The following MSRB1 variants were observed in gnomAD, a reference collection of about 807,000 sequenced individuals.
MSRB1 encodes the protein methionine-R-sulfoxide reductase B1.
MSRB1 carries 13 observed loss-of-function variants against 15.2 expected under a neutral mutation model. That is an observed-to-expected ratio of 0.86 (90% CI 0.56 to 1.36). The LOEUF is 1.36. Ranked by LOEUF, MSRB1 falls within the 40% of genes most tolerant of loss-of-function variation. MSRB1 has a pLI of 0.00. For synonymous variants in MSRB1, 68 were observed against 64.5 expected (o/e 1.05, Z -0.26); for missense variants, 174 against 155.9 (o/e 1.12, Z -0.62).
At chr16:1,940,708 A>G (rs2083070876) in intron 3 of MSRB1, 70 bp downstream of exon 3, 2 of 1,532,360 alleles carry the variant, frequency 1.3e-6, no homozygotes, top group African/African-American at 2.7e-5. Flanking sequence ...GGACAAGCAC[A>G]AACACTGGGC....
intron 2 of MSRB1, 139 bp from the exon 3 acceptor site, chr16:1,941,031 T>C: frequency 6.4e-7 from 1 of 1,553,448 alleles, no homozygotes; most frequent in Non-Finnish European, 8.7e-7. Flanking sequence ...AGGTTGACCT[T>C]TGTCCTGGAG....
In MSRB1 at chr16:1,941,314, G is replaced by A. The variant is rs777422012; in HGVS notation, c.147C>T (p.Thr49=). 1 of 1,613,810 alleles carries A rather than the reference G, an allele frequency of 6.2e-7. No homozygotes were observed. The highest frequency in any genetic ancestry group is 1.7e-5 in the Admixed American group (1 of 60,012). ...HSSPWPAFTE[T]IHADSVAKRP... ...GCTTGGCCACGCTGTCGGCGTGAAT[G>A]GTCTCGGTGAACGCCGGCCATGGAG... Residue 49 remains threonine, a synonymous_variant, in exon 2 of 4, where the codon ACC becomes ACT. Transcript: ENST00000361871.
In MSRB1 at chr16:1,941,373, G is replaced by T; in HGVS notation, c.88C>A (p.Leu30Met). Residue 30 changes from leucine (L) to methionine (M), a missense_variant, in exon 2 of 4, where the codon CTG (leucine) becomes ATG (methionine). Transcript: ENST00000361871. ...VYVCAKCGYE[L>M]FSSRSKYAHS... is the part of the protein sequence containing the mutation. ...GCATACTTCGAGCGGCTGGAGAACA[G>T]CTCATAGCCACACTTGGCACACACG... 1 of 1,613,660 alleles carries T rather than the reference G, an allele frequency of 6.2e-7. No homozygotes were observed. The highest frequency in any genetic ancestry group is 8.5e-7 in the Non-Finnish European group (1 of 1,179,894).
chr16:1,941,227 C>T (rs755977455), intron 2 of MSRB1, 30 bp downstream of exon 2: 26 of 1,612,812 alleles, frequency 1.6e-5, no homozygotes, highest in African/African-American at 4.0e-5. Context: ...TGGCCGCCCC[C>T]GTCCCTCCCC....
At chr16:1,940,660 A>T (rs529812741) in intron 3 of MSRB1, 118 bp downstream of exon 3, 1 of 1,251,806 alleles carries the variant, frequency 8.0e-7, no homozygotes, top group East Asian at 2.5e-5. Flanking sequence ...GTTCCCAGGC[A>T]GCGTGACTTG....
In MSRB1 at chr16:1,941,758, C is replaced by T. The variant is rs1251781077; in HGVS notation, c.56-353G>A. 1.6e-5 allele frequency: 4 copies of T among 253,820 alleles called. No homozygotes were observed. The East Asian group carries it at 2.9e-4, about 19-fold the overall frequency. 15.7% of individuals were successfully genotyped at this position (253,820 alleles called of 1,614,324 possible). On this transcript the variant is annotated intron_variant, in intron 1 of 3. Coordinates refer to ENST00000361871, the MANE Select transcript of MSRB1 (RefSeq NM_016332.4). ...AATGAGGACACGGAGCTCCCCCTCG[C>T]CCCCCTAGTTCCCCCAGGAACATAG...
chr16:1,939,040 C>T lies in MSRB1; in HGVS notation c.*72G>A. 2 of 1,584,074 alleles carry T rather than the reference C, an allele frequency of 1.3e-6. No individual in the cohort carries two copies. Among genetic ancestry groups the T allele is most frequent in the East Asian group, 2.3e-5 (1 of 44,404 alleles). On this transcript the variant is annotated 3_prime_UTR_variant, in exon 4 of 4. Coordinates refer to ENST00000361871, the MANE Select transcript of MSRB1 (RefSeq NM_016332.4). ...CTTCCTGTCTCGACGCCCAGGGTTC[C>T]AACTCCAAGGTGGAATGGCCAACGT...
At chr16:1,942,823 C>T (rs905476598) in intron 1 of MSRB1, among the ~76,000 whole-genome samples, 4 of 152,180 alleles carry the variant, frequency 2.6e-5, no homozygotes, top group Admixed American at 2.6e-4. Flanking sequence ...GTATCCCGAT[C>T]CCTTAGACCC....
intron 1 of MSRB1, among the ~76,000 whole-genome samples, chr16:1,942,240 G>A (rs868569165): frequency 1.8e-4 from 28 of 152,230 alleles, no homozygotes; most frequent in Non-Finnish European, 3.1e-4. Context: ...AGGACAACTG[G>A]GATCTAAAGC....
intron 1 of MSRB1, chr16:1,941,768 TC>T (rs1166949257): frequency 1.3e-5 from 3 of 236,240 alleles, no homozygotes; most frequent in Non-Finnish European, 2.5e-5. Flanking sequence ...CCCCCCTAGT[TC>T]CCCCAGGAAC....
chr16:1,940,714 TGGGCCCCCCAGCCTGGGCTCAAA>T lies in MSRB1; in HGVS notation c.319+41_319+63del, dbSNP rs2083070929. On this transcript the variant is annotated intron_variant, in intron 3 of 3. Coordinates refer to ENST00000361871, the MANE Select transcript of MSRB1 (RefSeq NM_016332.4). Reference sequence around the variant, plus strand: ...ATGGTAAGTGGACAAGCACAAACACTGGGCCCCCCAGCCTGGGCTCAAAGGCCAACAGGCCTGGCCCCAGCTGT... The same window carrying T: ...ATGGTAAGTGGACAAGCACAAACACTGGCCAACAGGCCTGGCCCCAGCTGT... 6 of 1,545,684 alleles carry T rather than the reference TGGGCCCCCCAGCCTGGGCTCAAA, an allele frequency of 3.9e-6. No individual in the cohort carries two copies. In the South Asian group the frequency reaches 7.4e-5, roughly 19 times the overall value.
intron 3 of MSRB1, 29 bp from the exon 4 acceptor site, chr16:1,939,172 A>G: frequency 6.3e-7 from 1 of 1,590,668 alleles, no homozygotes; most frequent in Non-Finnish European, 8.5e-7. Context: ...GGCGGAAAGT[A>G]TGCGGGGACA....
At chr16:1,942,604 G>A (rs987649270) in intron 1 of MSRB1, among the ~76,000 whole-genome samples, 4 of 152,260 alleles carry the variant, frequency 2.6e-5, no homozygotes, top group Non-Finnish European at 5.9e-5. Flanking sequence ...GACATTCTAT[G>A]CTTGCCAGAC....
rs1392676204 is a variant in MSRB1 at position 1,941,553 on chromosome 16, C to T, written c.56-148G>A. The T allele has an allele frequency of 8.9e-6, 10 of 1,126,294 alleles. 1 individual carries two copies. The highest frequency in any genetic ancestry group is 3.2e-5 in the South Asian group (2 of 61,974). The allele number at this position is 1,126,294 out of a possible 1,614,324, so 69.8% of individuals were successfully genotyped here. On this transcript the variant is annotated intron_variant, in intron 1 of 3. Coordinates refer to ENST00000361871, the MANE Select transcript of MSRB1 (RefSeq NM_016332.4). ...TTCCCCAGGCACCCGCCACGGGAGG[C>T]GCTGTGCTGAGCTCACGTTTAGTAG...
intron 2 of MSRB1, 150 bp downstream of exon 2, chr16:1,941,107 G>A (rs767540397): frequency 2.7e-5 from 42 of 1,551,508 alleles, no homozygotes; most frequent in Non-Finnish European, 3.6e-5. Context: ...CCGATAGCCT[G>A]GGGTGGCAGC....
At chr16:1,940,652 T>G (rs2150856645) in intron 3 of MSRB1, 126 bp downstream of exon 3, 1 of 1,203,468 alleles carries the variant, frequency 8.3e-7, no homozygotes, top group East Asian at 2.5e-5. Context: ...CCTGGACAGT[T>G]CCCAGGCAGC....
chr16:1,942,972 T>C, intron 1 of MSRB1, 130 bp downstream of exon 1: 1 of 1,305,752 alleles, frequency 7.7e-7, no homozygotes, highest in Non-Finnish European at 1.1e-6. Context: ...CCCTGTTCGC[T>C]TCTCCCCGGC....
chr16:1,940,132 C>T (rs1332825579), intron 3 of MSRB1, among the ~76,000 whole-genome samples: 1 of 151,742 alleles, frequency 6.6e-6, no homozygotes, highest in Non-Finnish European at 1.5e-5. Context: ...ATTAGCTGGG[C>T]GTGGTGATGC....
In MSRB1 at chr16:1,941,424, C is replaced by T; in HGVS notation, c.56-19G>A. 4 of 1,601,816 alleles carry T rather than the reference C, an allele frequency of 2.5e-6. No homozygotes were observed. The highest frequency in any genetic ancestry group is 2.6e-6 in the Non-Finnish European group (3 of 1,173,534). ...TAAACGCCTGTGGTGGAAGGAGAGG[C>T]AAATGTGGAGTCATCAGCTCCCGCC... On this transcript the variant is annotated intron_variant, in intron 1 of 3. Transcript: ENST00000361871.
Sources: allele counts gnomAD v4.1 joint callset (sites outside exome capture counted in the v4.1 genomes callset), GRCh38; gene constraint gnomAD v4.1.1; transcripts MANE v1.5; gene names NCBI Gene and HGNC (gene_info 2026-07-23, HGNC 2026-07-21).